The following CDH13 variants were observed in gnomAD, a reference collection of about 807,000 sequenced individuals.
CDH13 encodes the protein cadherin-13.
Under a neutral mutation model 63.8 loss-of-function variants are expected in CDH13, and 24 were observed. The observed-to-expected ratio is 0.38, with a 90% CI of 0.27 to 0.53. CDH13 has a LOEUF of 0.53. Ranked by LOEUF, CDH13 falls within the 20% of genes least tolerant of loss-of-function variation. CDH13 has a pLI of 0.85. For missense variants in CDH13, 1,049 were observed against 903.1 expected (o/e 1.16, Z -2.07); for synonymous variants, 503 against 355.3 (o/e 1.42, Z -4.67).
chr16:83,132,736 T>TAACCCAGGATAGAAGAAATATG, intron 4 of CDH13, among the ~76,000 whole-genome samples: 1 of 152,078 alleles, frequency 6.6e-6, no homozygotes, highest in African/African-American at 2.4e-5. Context: ...TTTCCCCCTT[T>TAACCCAGGATAGAAGAAATATG]TAAGGCAACT....
chr16:83,683,986 G>A (rs1395085576), intron 10 of CDH13, among the ~76,000 whole-genome samples: 3 of 152,156 alleles, frequency 2.0e-5, no homozygotes, highest in Non-Finnish European at 2.9e-5. Flanking sequence ...CGTAGCAACC[G>A]TTCCTCCAGG....
intron 10 of CDH13, chr16:83,710,187 G>T (rs933863142): frequency 2.6e-5 from 4 of 152,200 alleles, no homozygotes; most frequent in African/African-American, 7.2e-5. Context: ...AGATGTCAGG[G>T]GGGACAATTG....
At chr16:82,720,055 C>T (rs556842434) in intron 1 of CDH13, among the ~76,000 whole-genome samples, 159 of 152,230 alleles carry the variant, frequency 1.0e-3, no homozygotes, top group Non-Finnish European at 1.6e-3. Context: ...AGACCCAAAA[C>T]ACTTCTAATA....
intron 1 of CDH13, among the ~76,000 whole-genome samples, chr16:82,668,727 G>C (rs1476471944): frequency 6.6e-6 from 1 of 152,184 alleles, no homozygotes; most frequent in South Asian, 2.1e-4. Context: ...TGTCGTAGGA[G>C]TGTTCAGTAA....
chr16:82,627,202 G>A (rs1275596998), intron 1 of CDH13, 65 bp downstream of exon 1: 3 of 1,439,934 alleles, frequency 2.1e-6, no homozygotes, highest in Non-Finnish European at 2.9e-6. Context: ...GCCCGGCACG[G>A]GCAGGGTGAG....
chr16:83,674,376 C>G (rs760417127), intron 9 of CDH13, among the ~76,000 whole-genome samples: 2 of 152,186 alleles, frequency 1.3e-5, no homozygotes, highest in African/African-American at 2.4e-5. Flanking sequence ...ATGCAGGAAA[C>G]AAGGAGGCAG....
intron 5 of CDH13, among the ~76,000 whole-genome samples, chr16:83,276,758 C>T (rs1189311167): frequency 6.6e-6 from 1 of 152,104 alleles, no homozygotes; most frequent in Non-Finnish European, 1.5e-5. Flanking sequence ...GTAGCCACAG[C>T]TACTCGGGAG....
At chr16:83,145,878 C>G (rs1191835664) in intron 4 of CDH13, among the ~76,000 whole-genome samples, 1 of 152,092 alleles carries the variant, frequency 6.6e-6, no homozygotes, top group African/African-American at 2.4e-5. Flanking sequence ...CACATTTAAA[C>G]TGTGACTCTA....
chr16:82,643,673 A>C (rs1362735931), intron 1 of CDH13, among the ~76,000 whole-genome samples: 1 of 152,234 alleles, frequency 6.6e-6, no homozygotes, highest in Admixed American at 6.5e-5. Flanking sequence ...TATTATTCTC[A>C]TAGTAGCCTA....
chr16:83,029,716 A>C (rs1916130661), intron 2 of CDH13, among the ~76,000 whole-genome samples: 1 of 152,098 alleles, frequency 6.6e-6, no homozygotes, highest in South Asian at 2.1e-4. Context: ...TCTGGGGAAG[A>C]GGTTAGGAAT....
At chr16:82,978,027 G>A (rs911549359) in intron 2 of CDH13, among the ~76,000 whole-genome samples, 10 of 152,126 alleles carry the variant, frequency 6.6e-5, no homozygotes, top group Admixed American at 5.9e-4. Flanking sequence ...GGTGACTCTC[G>A]TTATGTTTTA....
chr16:83,772,925 A>G (rs1277861878), intron 11 of CDH13: 1 of 152,232 alleles, frequency 6.6e-6, no homozygotes. Context: ...AGGCTACAAT[A>G]AGGGAGAGAG....
chr16:83,406,068 A>G (rs1449551474), intron 6 of CDH13, among the ~76,000 whole-genome samples: 1 of 152,244 alleles, frequency 6.6e-6, no homozygotes, highest in Admixed American at 6.5e-5. Flanking sequence ...CTTTGCCAGC[A>G]CATAGTAGCC....
intron 4 of CDH13, among the ~76,000 whole-genome samples, chr16:83,134,147 G>A (rs76387376): frequency 0.037 from 5,557 of 152,220 alleles, 140 homozygotes; most frequent in East Asian, 0.11. Flanking sequence ...CAGATAAATT[G>A]CTTGGCAGTC....
intron 1 of CDH13, among the ~76,000 whole-genome samples, chr16:82,662,392 A>G (rs1235299861): frequency 6.6e-6 from 1 of 152,230 alleles, no homozygotes; most frequent in Non-Finnish European, 1.5e-5. Context: ...TTCAATGAGC[A>G]TGTGTTACTG....
At chr16:83,625,154 C>CTGTGTGTGTGTGCGCTCA (rs1555505953) in intron 8 of CDH13, among the ~76,000 whole-genome samples, 38 of 149,724 alleles carry the variant, frequency 2.5e-4, no homozygotes, top group African/African-American at 8.7e-4. Context: ...TAAAGAAACT[C>CTGTGTGTGTGTGCGCTCA]TGTGTGTGTG....
rs1023771124 is a variant in CDH13, at chr16:83,381,085, G to T, written c.781+36079G>T. On this transcript the variant is annotated intron_variant, in intron 6 of 13. Coordinates refer to ENST00000567109, the MANE Select transcript of CDH13 (RefSeq NM_001257.5). ...TAAATTCTGCAATTATTGCTTTCTT[G>T]TTCCAGGAAACATGCTAAGTACTTC... is the stretch of plus-strand genomic sequence containing the variant. Among the ~76,000 whole-genome samples, 6 of 152,096 alleles carry T rather than the reference G, an allele frequency of 3.9e-5. No homozygotes were observed. In the East Asian group the frequency reaches 1.2e-3, roughly 29 times the overall value.
intron 8 of CDH13, among the ~76,000 whole-genome samples, chr16:83,657,950 C>G (rs1286479097): frequency 6.7e-6 from 1 of 148,474 alleles, no homozygotes; most frequent in Non-Finnish European, 1.5e-5. Context: ...GGTCCCATAT[C>G]CTCACCAGCA....
chr16:83,114,304 C>A (rs901829212), intron 3 of CDH13, among the ~76,000 whole-genome samples: 1 of 152,104 alleles, frequency 6.6e-6, no homozygotes, highest in Non-Finnish European at 1.5e-5. Flanking sequence ...ATGTTGCTGG[C>A]GGTCCCTACT....
Sources: allele counts gnomAD v4.1 joint callset (sites outside exome capture counted in the v4.1 genomes callset), GRCh38; gene constraint gnomAD v4.1.1; transcripts MANE v1.5; gene names NCBI Gene and HGNC (gene_info 2026-07-23, HGNC 2026-07-21).